The following IKZF3 variants were observed in gnomAD, a reference collection of about 807,000 sequenced individuals.
IKZF3 encodes the protein IKAROS family zinc finger 3, also known as zinc finger protein Aiolos.
IKZF3 carries 10 observed loss-of-function variants against 49.0 expected under a neutral mutation model. That is an observed-to-expected ratio of 0.20 (90% CI 0.13 to 0.35). IKZF3 has a LOEUF of 0.35. IKZF3 is among the 10% of genes least tolerant of loss of function. The pLI is 1.00. For synonymous variants in IKZF3, 209 were observed against 228.2 expected (o/e 0.92, Z 0.76); for missense variants, 498 against 664.8 (o/e 0.75, Z 2.76).
At chr17:39,843,841 T>C (rs1405572235) in intron 1 of IKZF3, among the ~76,000 whole-genome samples, 3 of 150,650 alleles carry the variant, frequency 2.0e-5, no homozygotes, top group Non-Finnish European at 4.4e-5. Context: ...AGGAAAACCA[T>C]CTGTGATCAG....
intron 6 of IKZF3, among the ~76,000 whole-genome samples, chr17:39,779,540 A>ATGATGC (rs2060676001): frequency 6.6e-6 from 1 of 152,116 alleles, no homozygotes. Flanking sequence ...ATTTTAACAC[A>ATGATGC]TGATGCTAGC....
chr17:39,816,848 G>A (rs887688944), intron 3 of IKZF3, among the ~76,000 whole-genome samples: 1 of 152,134 alleles, frequency 6.6e-6, no homozygotes, highest in Non-Finnish European at 1.5e-5. Flanking sequence ...CGAGTAGCTG[G>A]GATTACAGGC....
At position 39,861,149 on chromosome 17, in the gene IKZF3, G is replaced by A. The variant is rs531729854; in HGVS notation, c.7+2971C>T. ...CCAGAAACTGTCCTTCGCATTCAGT[G>A]TACAAAAACAAGACACAGTCTCTGT... On this transcript the variant is annotated intron_variant, in intron 1 of 7. Coordinates refer to ENST00000346872, the MANE Select transcript of IKZF3 (RefSeq NM_012481.5). 2.0e-5 allele frequency among the ~76,000 whole-genome samples: 3 copies of A among 152,306 alleles called. No individual in the cohort carries two copies. The East Asian group carries it at 5.8e-4, about 29-fold the overall frequency.
intron 3 of IKZF3, among the ~76,000 whole-genome samples, chr17:39,827,032 G>C: frequency 6.6e-6 from 1 of 152,040 alleles, no homozygotes. Flanking sequence ...GAGTCTTACT[G>C]TGTCACCCAG....
intron 1 of IKZF3, among the ~76,000 whole-genome samples, chr17:39,858,508 TTTTG>T (rs893222031): frequency 3.9e-5 from 6 of 151,962 alleles, no homozygotes; most frequent in Admixed American, 1.3e-4. Context: ...GTACCTAGTT[TTTTG>T]TTTGTTTGTT....
intron 1 of IKZF3, among the ~76,000 whole-genome samples, chr17:39,850,892 GTA>G (rs1491277117): frequency 5.4e-5 from 7 of 129,254 alleles, no homozygotes; most frequent in East Asian, 4.4e-4. Context: ...ATACTCTATA[GTA>G]TATATTATAT....
intron 7 of IKZF3, among the ~76,000 whole-genome samples, chr17:39,773,198 G>T (rs914954449): frequency 2.0e-5 from 3 of 152,196 alleles, no homozygotes; most frequent in Admixed American, 1.3e-4. Context: ...ACCTCCTGGG[G>T]AAGGAAGGGC....
intron 1 of IKZF3, among the ~76,000 whole-genome samples, chr17:39,842,122 G>T (rs375911729): frequency 2.7e-5 from 4 of 149,212 alleles, no homozygotes; most frequent in African/African-American, 9.9e-5. Flanking sequence ...CCCTTTCCCC[G>T]TTCACTGAGA....
At chr17:39,811,976 A>G (rs1284532373) in intron 3 of IKZF3, among the ~76,000 whole-genome samples, 2 of 152,222 alleles carry the variant, frequency 1.3e-5, no homozygotes, top group Non-Finnish European at 2.9e-5. Context: ...CTCAGACAAG[A>G]GCAAGCTAAA....
chr17:39,858,176 G>C (rs2063119301), intron 1 of IKZF3, among the ~76,000 whole-genome samples: 1 of 151,836 alleles, frequency 6.6e-6, no homozygotes, highest in African/African-American at 2.4e-5. Flanking sequence ...TTCCTTCATT[G>C]GCTGGGCATT....
chr17:39,800,981 A>C (rs2061302541), intron 3 of IKZF3, among the ~76,000 whole-genome samples: 1 of 152,236 alleles, frequency 6.6e-6, no homozygotes, highest in African/African-American at 2.4e-5. Flanking sequence ...CTTGGAGAGC[A>C]TGTTGATACT....
At chr17:39,791,885 C>A (rs62074918) in intron 4 of IKZF3, among the ~76,000 whole-genome samples, 6 of 145,088 alleles carry the variant, frequency 4.1e-5, no homozygotes. Context: ...ACTTGGTACT[C>A]CCTTTTTTTT....
intron 1 of IKZF3, among the ~76,000 whole-genome samples, chr17:39,861,371 C>A (rs112868532): frequency 2.0e-5 from 3 of 151,988 alleles, no homozygotes; most frequent in Non-Finnish European, 4.4e-5. Context: ...GCCTTCATGG[C>A]GATGATGCCT....
intron 7 of IKZF3, among the ~76,000 whole-genome samples, chr17:39,769,884 C>A (rs1000123956): frequency 6.6e-6 from 1 of 152,172 alleles, no homozygotes. Context: ...TGTCAGAAAA[C>A]AGCTGAGTGC....
rs961665587 is a variant in IKZF3, at chr17:39,762,504, A to G, written c.*3286T>C. 2 of 152,198 alleles carry G rather than the reference A, an allele frequency of 1.3e-5. No individual in the cohort carries two copies. Among genetic ancestry groups the G allele is most frequent in the African/African-American group, 4.8e-5 (2 of 41,434 alleles). The allele number at this position is 152,198 out of a possible 1,614,324, so 9.4% of individuals were successfully genotyped here. Reference sequence around the variant, plus strand: ...AGAATAGAAATCATGCAGCAAATTCATTAGTCACAGGAAAAAGGAGGATCA... The same window carrying G: ...AGAATAGAAATCATGCAGCAAATTCGTTAGTCACAGGAAAAAGGAGGATCA... On this transcript the variant is annotated 3_prime_UTR_variant, in exon 8 of 8. Transcript: ENST00000346872.
At chr17:39,843,089 TGAA>T (rs2062526866) in intron 1 of IKZF3, among the ~76,000 whole-genome samples, 1 of 152,158 alleles carries the variant, frequency 6.6e-6, no homozygotes, top group African/African-American at 2.4e-5. Context: ...TGTTCCAGAC[TGAA>T]GGAGAGGAAA....
chr17:39,835,988 G>A, intron 1 of IKZF3: 1 of 638,438 alleles, frequency 1.6e-6, no homozygotes, highest in African/African-American at 1.8e-5. Flanking sequence ...TGTAGCTCTT[G>A]GACATGTTGT....
chr17:39,861,245 A>G (rs2063207182), intron 1 of IKZF3, among the ~76,000 whole-genome samples: 2 of 152,232 alleles, frequency 1.3e-5, no homozygotes, highest in Non-Finnish European at 2.9e-5. Context: ...ACAATGTGGT[A>G]GAAGTATACA....
chr17:39,842,057 A>AAAAAAAAAAAT (rs2062488346), intron 1 of IKZF3, among the ~76,000 whole-genome samples: 1 of 125,998 alleles, frequency 7.9e-6, no homozygotes, highest in African/African-American at 3.1e-5. Context: ...AAAAAAAAAA[A>AAAAAAAAAAAT]AACCAGATAA....
Sources: allele counts gnomAD v4.1 joint callset (sites outside exome capture counted in the v4.1 genomes callset), GRCh38; gene constraint gnomAD v4.1.1; transcripts MANE v1.5; gene names NCBI Gene and HGNC (gene_info 2026-07-23, HGNC 2026-07-21).